The following ZNF594 variants were observed in gnomAD, a reference collection of about 807,000 sequenced individuals.
ZNF594 encodes zinc finger protein 594, also known as zinc finger protein HZF18.
For missense variants in ZNF594, 1,037 were observed against 964.6 expected (o/e 1.08, Z -0.99); for synonymous variants, 336 against 309.4 (o/e 1.09, Z -0.90).
At position 5,182,762 on chromosome 17, in the gene ZNF594, G is replaced by A. The variant is rs200183151; in HGVS notation, c.1495C>T (p.Arg499Trp). Residue 499 changes from arginine to tryptophan, a missense_variant, in exon 2 of 2, where the codon CGG (arginine) becomes TGG (tryptophan). Physicochemically the swap from Arg to Trp is moderately radical, Grantham distance 101. Transcript: ENST00000575779. ...QCTECGKAFRRRSLLIQHRRI... is the reference protein window; with the variant it reads ...QCTECGKAFRWRSLLIQHRRI... ...CGATGTTGAATAAGGAGTGAACGCC[G>A]CCTGAAGGCTTTCCCACATTCAGTG... 111 of 1,613,974 alleles carry A rather than the reference G, an allele frequency of 6.9e-5. No homozygotes were observed. The highest frequency in any genetic ancestry group is 4.0e-4 in the East Asian group (18 of 44,848).
At chr17:5,187,592 C>T (rs917730915) in intron 1 of ZNF594, among the ~76,000 whole-genome samples, 1 of 152,210 alleles carries the variant, frequency 6.6e-6, no homozygotes, top group Non-Finnish European at 1.5e-5. Context: ...GAAAGGCAAA[C>T]TGCCTGAGTT....
At chr17:5,189,037 A>G (rs2074405034) in intron 1 of ZNF594, among the ~76,000 whole-genome samples, 2 of 150,756 alleles carry the variant, frequency 1.3e-5, no homozygotes, top group South Asian at 2.1e-4. Flanking sequence ...GTGAGCCACC[A>G]CGCCCAGCCA....
At chr17:5,177,759 C>A (rs1469649189), downstream of ZNF594, among the ~76,000 whole-genome samples, 1 of 152,112 alleles carries the variant, frequency 6.6e-6, no homozygotes, top group African/African-American at 2.4e-5. Flanking sequence ...TTGCTTGAAT[C>A]CAGGAGGCGG....
At chr17:5,186,747 T>C (rs572261730) in intron 1 of ZNF594, among the ~76,000 whole-genome samples, 1 of 152,214 alleles carries the variant, frequency 6.6e-6, no homozygotes, top group Non-Finnish European at 1.5e-5. Context: ...TTCCACCAGA[T>C]ACCCTAAATC....
chr17:5,182,913 A>G lies in ZNF594; in HGVS notation c.1344T>C (p.Ile448=). The G allele has an allele frequency of 6.2e-7, 1 of 1,613,802 alleles. No individual in the cohort carries two copies. Among genetic ancestry groups the G allele is most frequent in the Non-Finnish European group, 8.5e-7 (1 of 1,179,884 alleles). ...CTCCAGTATGAACACGATGGTGTCT[A>G]ATAAGATCTGAGCTGCCCCTAAAAG... ...GKSFRGSSDL[I]RHHRVHTGEK... Residue 448 remains isoleucine, a synonymous_variant, in exon 2 of 2, where the codon ATT becomes ATC. Coordinates refer to ENST00000575779, the MANE Select transcript of ZNF594 (RefSeq NM_032530.2).
chr17:5,177,355 C>T (rs566582657), downstream of ZNF594, among the ~76,000 whole-genome samples: 3 of 152,220 alleles, frequency 2.0e-5, no homozygotes, highest in Admixed American at 6.5e-5. Context: ...TAGGAGGGTT[C>T]GGTGAAATAC....
rs753303321 is a variant in ZNF594, at chr17:5,183,326, T to C, written c.931A>G (p.Thr311Ala). The C allele has an allele frequency of 1.2e-6, 2 of 1,613,958 alleles. No homozygotes were observed. The highest frequency in any genetic ancestry group is 1.1e-5 in the South Asian group (1 of 91,088). ...CCACTGTGGAGTCTCTGGTGTTCAG[T>C]AAGGTGAGAATGCTGCCTGAAGGCT... is the stretch of plus-strand genomic sequence containing the variant. ...EKAFRQHSHL[T>A]EHQRLHSGEK... Residue 311 changes from threonine (T) to alanine (A), a missense_variant, in exon 2 of 2, where the codon ACT becomes GCT. Physicochemically the swap from Thr to Ala is moderately conservative, Grantham distance 58 (BLOSUM62 0). Transcript: ENST00000575779.
In ZNF594 at chr17:5,180,711, G is replaced by T; in HGVS notation, c.*1122C>A. 1 of 267,722 alleles carries T rather than the reference G, an allele frequency of 3.7e-6. No homozygotes were observed. Among genetic ancestry groups the T allele is most frequent in the Non-Finnish European group, 7.3e-6 (1 of 137,240 alleles). 16.6% of individuals were successfully genotyped at this position (267,722 alleles called of 1,614,324 possible). On this transcript the variant is annotated 3_prime_UTR_variant, in exon 2 of 2. Transcript: ENST00000575779. ...ATAATTTAAAAAATTGTATCGTTGG[G>T]ACCATATTCTAGTGTCAGTTCTGAG...
downstream of ZNF594, among the ~76,000 whole-genome samples, chr17:5,177,448 G>A (rs1270647475): frequency 6.6e-6 from 1 of 151,962 alleles, no homozygotes; most frequent in African/African-American, 2.4e-5. Flanking sequence ...GGTGGCTCAC[G>A]CCTGTAATCC....
rs959927691 is a variant in ZNF594 at position 5,179,609 on chromosome 17, A to G, written c.*2224T>C. On this transcript the variant is annotated 3_prime_UTR_variant, in exon 2 of 2. Transcript: ENST00000575779. The stretch of plus-strand genomic sequence containing the variant: ...CTGTAACAAAAATTTCAATCTTTCA[A>G]AAGTCCAATACCCTTAGTTTGATTC... 6.6e-6 allele frequency: 1 copy of G among 152,248 alleles called. No homozygotes were observed. Among genetic ancestry groups the G allele is most frequent in the Non-Finnish European group, 1.5e-5 (1 of 68,046 alleles). The allele number at this position is 152,248 out of a possible 1,614,324, so 9.4% of individuals were successfully genotyped here. A position where few individuals can be genotyped will look rare whatever the true frequency, so the allele number is the denominator to read the frequency against.
downstream of ZNF594, among the ~76,000 whole-genome samples, chr17:5,175,434 A>T (rs1000837558): frequency 6.6e-6 from 1 of 152,146 alleles, no homozygotes; most frequent in Non-Finnish European, 1.5e-5. Context: ...CATTCCCCCC[A>T]TCCCCCCAGT....
In ZNF594 at chr17:5,182,827, G is replaced by C; in HGVS notation, c.1430C>G (p.Thr477Arg). 1.9e-6 allele frequency: 3 copies of C among 1,613,942 alleles called. No homozygotes were observed. Among genetic ancestry groups the C allele is most frequent in the Non-Finnish European group, 1.7e-6 (2 of 1,179,984 alleles). ...KAFSQRSHLVTHQKIHTGEKP... is the reference protein window; with the variant it reads ...KAFSQRSHLVRHQKIHTGEKP... ...CTCTCCAGTATGGATTTTCTGGTGTGTAACAAGGTGTGACCTCTGGCTAAA... is the reference window on the plus strand; with the variant it reads ...CTCTCCAGTATGGATTTTCTGGTGTCTAACAAGGTGTGACCTCTGGCTAAA... Residue 477 changes from threonine to arginine, a missense_variant, in exon 2 of 2, where the codon ACA (threonine) becomes AGA (arginine). Transcript: ENST00000575779.
In ZNF594 at chr17:5,182,826, T is replaced by C; in HGVS notation, c.1431A>G (p.Thr477=). 1 of 1,614,128 alleles carries C rather than the reference T, an allele frequency of 6.2e-7. No individual in the cohort carries two copies. The highest frequency in any genetic ancestry group is 8.5e-7 in the Non-Finnish European group (1 of 1,180,022). Residue 477 remains threonine, a synonymous_variant, in exon 2 of 2, where the codon ACA becomes ACG. Coordinates refer to ENST00000575779, the MANE Select transcript of ZNF594 (RefSeq NM_032530.2). ...KAFSQRSHLV[T]HQKIHTGEKP... is the part of the protein sequence containing the mutation. ...TCTCTCCAGTATGGATTTTCTGGTG[T>C]GTAACAAGGTGTGACCTCTGGCTAA...
In ZNF594 at chr17:5,182,285, C is replaced by A; in HGVS notation, c.1972G>T (p.Gly658Trp). The change falls in exon 2 of 2, where the codon GGG (glycine) becomes TGG (tryptophan). Residue 658 changes from glycine to tryptophan, a missense_variant. Coordinates refer to ENST00000575779, the MANE Select transcript of ZNF594 (RefSeq NM_032530.2). Reference sequence around the variant, plus strand: ...TGTGACCTCTGGCTGAAGGCTTTCCCACATTCACTACATTCATAGGGTTTC... The same window carrying A: ...TGTGACCTCTGGCTGAAGGCTTTCCAACATTCACTACATTCATAGGGTTTC... ...GEKPYECSECGKAFSQRSHLA... is the reference protein window; with the variant it reads ...GEKPYECSECWKAFSQRSHLA... 2 of 1,613,536 alleles carry A rather than the reference C, an allele frequency of 1.2e-6. No individual in the cohort carries two copies. Among genetic ancestry groups the A allele is most frequent in the Non-Finnish European group, 1.7e-6 (2 of 1,179,940 alleles).
chr17:5,177,220 T>C (rs1228599400), downstream of ZNF594, among the ~76,000 whole-genome samples: 2 of 149,130 alleles, frequency 1.3e-5, no homozygotes, highest in Non-Finnish European at 3.0e-5. Flanking sequence ...AAAAGTTGGT[T>C]TATAAATATT....
chr17:5,191,430 A>T (rs937338294), intron 1 of ZNF594: 5 of 152,068 alleles, frequency 3.3e-5, no homozygotes, highest in African/African-American at 1.2e-4. Flanking sequence ...ATACAAATAT[A>T]CCTGGCACAG....
downstream of ZNF594, among the ~76,000 whole-genome samples, chr17:5,176,674 T>A (rs2074310238): frequency 6.6e-6 from 1 of 151,652 alleles, no homozygotes; most frequent in Admixed American, 6.6e-5. Flanking sequence ...GACACAGGGT[T>A]TGGAAACACC....
chr17:5,185,639 CAA>C (rs1264897450), intron 1 of ZNF594, among the ~76,000 whole-genome samples: 1 of 152,176 alleles, frequency 6.6e-6, no homozygotes, highest in Non-Finnish European at 1.5e-5. Context: ...GTCCACAGTT[CAA>C]AGTCTCAACA....
rs373050880 is a variant in ZNF594, at chr17:5,182,006, C to G, written c.2251G>C (p.Glu751Gln). The change falls in exon 2 of 2, where the codon GAG becomes CAG. Residue 751 changes from glutamate to glutamine, a missense_variant. By Grantham distance (29) the Glu-to-Gln change is conservative (BLOSUM62 2). Transcript: ENST00000575779. ...TTCTTTTCCTGGTGAGTTCTCTGCTCTTTTCTAAGCTCCTCATCCTTGCTG... is the reference window on the plus strand; with the variant it reads ...TTCTTTTCCTGGTGAGTTCTCTGCTGTTTTCTAAGCTCCTCATCCTTGCTG... ...TFSKDEELRK[E>Q]QRTHQEKKVY... The G allele has an allele frequency of 4.3e-6, 7 of 1,613,466 alleles. No homozygotes were observed. The African/African-American group carries it at 8.1e-5, about 19-fold the overall frequency.
Sources: gnomAD v4.1 joint callset for allele counts (sites outside exome capture counted in the v4.1 genomes callset) on GRCh38, gnomAD v4.1.1 for gene constraint, MANE v1.5 for transcripts, NCBI Gene and HGNC (gene_info 2026-07-23, HGNC 2026-07-21) for gene names.